The following CFAP43 variants were observed in gnomAD, a reference collection of about 807,000 sequenced individuals.
CFAP43 encodes cilia- and flagella-associated protein 43.
Under a neutral mutation model 218.9 loss-of-function variants are expected in CFAP43, and 155 were observed. The observed-to-expected ratio is 0.71, with a 90% CI of 0.62 to 0.81. The LOEUF (loss-of-function observed/expected upper bound fraction) is 0.81, where lower values mean the gene tolerates loss of function less well. CFAP43 is among the 30% of genes least tolerant of loss of function. The probability of loss-of-function intolerance (pLI) is 0.00; values close to 1 mark genes in which losing one functional copy is unlikely to be tolerated. For synonymous variants in CFAP43, 645 were observed against 681.3 expected, an observed-to-expected ratio of 0.95 and a Z score of 0.83; for missense variants, 1,778 against 1,954.3, an observed-to-expected ratio of 0.91 and a Z score of 1.70.
chr10:104,207,323 A>AG (rs1180659406), intron 6 of CFAP43, among the ~76,000 whole-genome samples: 1 of 152,170 alleles, frequency 6.6e-6, no homozygotes, highest in Admixed American at 6.5e-5. Flanking sequence ...GAATGGGCAT[A>AG]TGTATAGAAA....
At chr10:104,173,463 G>T (rs1262841029) in intron 19 of CFAP43, among the ~76,000 whole-genome samples, 1 of 152,210 alleles carries the variant, frequency 6.6e-6, no homozygotes, top group Non-Finnish European at 1.5e-5. Flanking sequence ...GTGCTGGCAG[G>T]TTGATTAGCT....
Position 104,230,579 on chromosome 10 carries a change from C to CT in CFAP43, c.319+10dup. 6.2e-7 allele frequency: 1 copy of CT among 1,610,966 alleles called. No individual in the cohort carries two copies. On this transcript the variant is annotated intron_variant, in intron 2 of 37. Coordinates refer to ENST00000357060, the MANE Select transcript of CFAP43 (RefSeq NM_025145.7). Reference sequence around the variant, plus strand: ...TTCAATTATGGGCAGAGGAAGGGTTCTCTAGAATACCTTTCAATTTGGTCC... The same window carrying CT: ...TTCAATTATGGGCAGAGGAAGGGTTCTTCTAGAATACCTTTCAATTTGGTCC...
In CFAP43 at chr10:104,224,483, G is replaced by A. The variant is rs376003216; in HGVS notation, c.416+978C>T. On this transcript the variant is annotated intron_variant, in intron 3 of 37. Transcript: ENST00000357060. Reference sequence around the variant, plus strand: ...AGCTGTTTTAAAAAAATTTTAGGGCGGTGGCTCATGCCTGTAATCCCAGCA... The same window carrying A: ...AGCTGTTTTAAAAAAATTTTAGGGCAGTGGCTCATGCCTGTAATCCCAGCA... Among the ~76,000 whole-genome samples, 14 of 151,848 alleles carry A rather than the reference G, an allele frequency of 9.2e-5. 1 individual carries two copies. The highest frequency in any genetic ancestry group is 8.3e-4 in the South Asian group (4 of 4,796).
In CFAP43 at chr10:104,185,074, C is replaced by T. The variant is rs1264021306; in HGVS notation, c.2083G>A (p.Gly695Arg). The part of the protein sequence containing the change: ...GIQSMRISMD[G>R]QNILVNGRDD... ...CTCCCATTCACCAGAATGTTTTGTCCATCCATTGAAATTCTCATTGACTGA... is the reference window on the plus strand; with the variant it reads ...CTCCCATTCACCAGAATGTTTTGTCTATCCATTGAAATTCTCATTGACTGA... The change falls in exon 16 of 38, where the codon GGA becomes AGA. Residue 695 changes from glycine (G) to arginine (R), a missense_variant. Gly to Arg is a moderately radical substitution (Grantham distance 125). Coordinates refer to ENST00000357060, the MANE Select transcript of CFAP43 (RefSeq NM_025145.7). 1 of 1,614,126 alleles carries T rather than the reference C, an allele frequency of 6.2e-7. No individual in the cohort carries two copies. Among genetic ancestry groups the T allele is most frequent in the Non-Finnish European group, 8.5e-7 (1 of 1,180,020 alleles).
rs2087116483 is a variant in CFAP43, at chr10:104,130,259, GT to G, written c.4877del (p.Asn1626ThrfsTer2). The G allele has an allele frequency of 6.2e-7, 1 of 1,612,560 alleles. No individual in the cohort carries two copies. ...TTGTTAACTTCTGCTGTTGCATCAT[GT>G]TTTCATACCGTTCTTTGACAATCTT... ...CEKIVKERYE[N>X]MMQQQKLTNI... is the part of the protein sequence containing the mutation. On this transcript the variant is annotated frameshift_variant, in exon 38 of 38. Transcript: ENST00000357060. LOFTEE classifies it high-confidence loss of function.
intron 9 of CFAP43, among the ~76,000 whole-genome samples, chr10:104,197,201 G>T (rs972482929): frequency 6.6e-6 from 1 of 152,122 alleles, no homozygotes; most frequent in African/African-American, 2.4e-5. Context: ...AAAGATAAAA[G>T]TTGCTTATAA....
At chr10:104,200,488 G>A (rs971268723) in intron 8 of CFAP43, among the ~76,000 whole-genome samples, 4 of 151,892 alleles carry the variant, frequency 2.6e-5, no homozygotes, top group Non-Finnish European at 5.9e-5. Flanking sequence ...TGGCCAATGT[G>A]GTGAAACCCC....
Position 104,179,854 on chromosome 10 carries a change from GT to G in CFAP43, c.2367del (p.Gln789HisfsTer22). ...TDVKKEIPWI[Q>X]QKSQEAIKKE... is the part of the protein sequence containing the mutation. ...TTCACAAATACCTCTTGGCTTTTTT[GT>G]TGTATCCAAGGAATTTCCTTCTTAA... On this transcript the variant is annotated frameshift_variant, in exon 18 of 38. Transcript: ENST00000357060. LOFTEE classifies it high-confidence loss of function. 1 of 1,612,598 alleles carries G rather than the reference GT, an allele frequency of 6.2e-7. No individual in the cohort carries two copies. Among genetic ancestry groups the G allele is most frequent in the Non-Finnish European group, 8.5e-7 (1 of 1,179,354 alleles).
intron 22 of CFAP43, among the ~76,000 whole-genome samples, chr10:104,167,223 A>G (rs1250784476): frequency 2.0e-5 from 3 of 152,158 alleles, no homozygotes; most frequent in Non-Finnish European, 4.4e-5. Flanking sequence ...AAAAGTTGGG[A>G]TTTAGGAAAA....
intron 8 of CFAP43, among the ~76,000 whole-genome samples, chr10:104,202,568 C>T (rs376938246): frequency 6.6e-6 from 1 of 152,130 alleles, no homozygotes; most frequent in African/African-American, 2.4e-5. Flanking sequence ...GTATTTCCTA[C>T]CCTTTTGCTT....
chr10:104,210,583 G>A (rs1194160789), intron 5 of CFAP43, among the ~76,000 whole-genome samples: 2 of 152,028 alleles, frequency 1.3e-5, no homozygotes, highest in African/African-American at 4.8e-5. Flanking sequence ...CCAAAAAAGT[G>A]GAGCTTCTCC....
chr10:104,152,743 A>ATC lies in CFAP43; in HGVS notation c.3541-18_3541-17insGA. ...TTCTAATGACTAAAAGGAAAACAAT[A>ATC]GTAAAGTTAACGTTTAAGAGTATTA... On this transcript the variant is annotated splice_polypyrimidine_tract_variant and intron_variant, in intron 27 of 37. Coordinates refer to ENST00000357060, the MANE Select transcript of CFAP43 (RefSeq NM_025145.7). 1.2e-6 allele frequency: 2 copies of ATC among 1,600,962 alleles called. No homozygotes were observed. Among genetic ancestry groups the ATC allele is most frequent in the Non-Finnish European group, 1.7e-6 (2 of 1,176,600 alleles).
At chr10:104,211,575 T>G (rs890111127) in intron 5 of CFAP43, among the ~76,000 whole-genome samples, 3 of 152,202 alleles carry the variant, frequency 2.0e-5, no homozygotes, top group Admixed American at 1.3e-4. Context: ...GTCAGCTGGC[T>G]CTGGCTCTCT....
chr10:104,210,501 G>A (rs1175686749), intron 5 of CFAP43, among the ~76,000 whole-genome samples: 2 of 152,152 alleles, frequency 1.3e-5, no homozygotes, highest in African/African-American at 4.8e-5. Flanking sequence ...CGAGTAGCTG[G>A]GATTGCAGGC....
Position 104,167,759 on chromosome 10 carries a change from CAAAAT to C in CFAP43, c.2692-27_2692-23del, listed in dbSNP as rs780433302. 1.9e-6 allele frequency: 3 copies of C among 1,557,118 alleles called. No homozygotes were observed. The South Asian group carries it at 3.5e-5, about 18-fold the overall frequency. ...AACACTTGGGGAAAAAAACGCAAGACAAAATAAATCCATTTGTAGTATAATTGTGT... is the reference window on the plus strand; with the variant it reads ...AACACTTGGGGAAAAAAACGCAAGACAAATCCATTTGTAGTATAATTGTGT... On this transcript the variant is annotated intron_variant, in intron 21 of 37. Coordinates refer to ENST00000357060, the MANE Select transcript of CFAP43 (RefSeq NM_025145.7).
chr10:104,229,909 ATTGC>A, intron 2 of CFAP43, among the ~76,000 whole-genome samples: 1 of 152,308 alleles, frequency 6.6e-6, no homozygotes, highest in African/African-American at 2.4e-5. Flanking sequence ...AAAAAAAGTC[ATTGC>A]TCTGAAAAAG....
rs1564748720 is a variant in CFAP43 at position 104,168,836 on chromosome 10, C to T, written c.2599G>A (p.Val867Ile). The change falls in exon 21 of 38, where the codon GTA (valine) becomes ATA (isoleucine). Residue 867 changes from valine (V) to isoleucine (I), a missense_variant. Physicochemically the swap from Val to Ile is conservative, Grantham distance 29. Transcript: ENST00000357060. ...CTCTTGGCTAAGTTATGCATCTCTA[C>T]ATCCTTTATCATCTTGAAGAACACA... is the stretch of plus-strand genomic sequence containing the variant. ...QEEVAKMIKD[V>I]EMHNLAKSYL... 1.2e-6 allele frequency: 2 copies of T among 1,610,954 alleles called. No homozygotes were observed. Among genetic ancestry groups the T allele is most frequent in the Admixed American group, 1.7e-5 (1 of 59,998 alleles).
chr10:104,209,444 T>C (rs1329567643), intron 5 of CFAP43, among the ~76,000 whole-genome samples: 1 of 152,138 alleles, frequency 6.6e-6, no homozygotes, highest in African/African-American at 2.4e-5. Flanking sequence ...ATAGCAAAAC[T>C]GCAGGCGTAC....
intron 19 of CFAP43, among the ~76,000 whole-genome samples, chr10:104,177,236 A>G (rs993404803): frequency 6.7e-6 from 1 of 149,674 alleles, no homozygotes; most frequent in Non-Finnish European, 1.5e-5. Context: ...AGAGAAACTT[A>G]AAAAAAAAAG....
Sources: gnomAD v4.1 joint callset for allele counts (sites outside exome capture counted in the v4.1 genomes callset) on GRCh38, gnomAD v4.1.1 for gene constraint, MANE v1.5 for transcripts, NCBI Gene and HGNC (gene_info 2026-07-23, HGNC 2026-07-21) for gene names.